Variants in ZFR2 observed in about 807,000 individuals in gnomAD.
ZFR2 encodes the protein zinc finger RNA-binding protein 2.
ZFR2 carries 104 observed loss-of-function variants against 105.7 expected under a neutral mutation model. The observed-to-expected ratio is 0.98, with a 90% CI of 0.84 to 1.16. The LOEUF (loss-of-function observed/expected upper bound fraction) is 1.16, where lower values mean the gene tolerates loss of function less well. Ranked by LOEUF, ZFR2 falls within the 50% of genes most tolerant of loss-of-function variation. The pLI is 0.00. For synonymous variants in ZFR2, 634 were observed against 597.7 expected, an observed-to-expected ratio of 1.06 and a Z score of -0.89; for missense variants, 1,425 against 1,355.5, an observed-to-expected ratio of 1.05 and a Z score of -0.80.
chr19:3,807,891 C>A (rs891617497), intron 17 of ZFR2, among the ~76,000 whole-genome samples: 2 of 144,342 alleles, frequency 1.4e-5, no homozygotes, highest in African/African-American at 5.2e-5. Context: ...GCATGTGTGC[C>A]CGTGTGCACT....
chr19:3,823,062 C>T lies in ZFR2; in HGVS notation c.1371+184G>A, dbSNP rs1005581950. ...TTCATTTCCTGCTGATACCAAAATCCGGCACCCAAAGTGTCAAGCGGGTCT... is the reference window on the plus strand; with the variant it reads ...TTCATTTCCTGCTGATACCAAAATCTGGCACCCAAAGTGTCAAGCGGGTCT... On this transcript the variant is annotated intron_variant, in intron 8 of 18. Transcript: ENST00000262961. This position sits in a 1 kb window ranked among gnomAD's most constrained non-coding sequence, Gnocchi z 5.4. Among the ~76,000 whole-genome samples the T allele has an allele frequency of 5.3e-5, 8 of 152,326 alleles. No individual in the cohort carries two copies. The highest frequency in any genetic ancestry group is 2.1e-4 in the South Asian group (1 of 4,830).
At chr19:3,831,608 T>A in intron 4 of ZFR2, 52 bp from the exon 5 acceptor site, 2 of 1,528,604 alleles carry the variant, frequency 1.3e-6, no homozygotes, top group Non-Finnish European at 1.8e-6. Context: ...TTCCACTGAG[T>A]TGAAGTGGGG....
intron 3 of ZFR2, among the ~76,000 whole-genome samples, chr19:3,833,372 G>A (rs112393740): frequency 6.6e-6 from 1 of 151,848 alleles, no homozygotes; most frequent in South Asian, 2.1e-4. Context: ...GTCAGGAGAT[G>A]GAGACCATCC....
Position 3,806,017 on chromosome 19 carries a change from G to A in ZFR2, c.2752C>T (p.Pro918Ser). 1 of 1,547,102 alleles carries A rather than the reference G, an allele frequency of 6.5e-7. No homozygotes were observed. The highest frequency in any genetic ancestry group is 8.7e-7 in the Non-Finnish European group (1 of 1,147,688). ...GARFRKRQRG[P>S]GEGEEGAGEK... ...CCTGCGCCCTCCTCTCCCTCGCCAG[G>A]TCCCCGTTGCCTCTTCCGGAAGCGG... The change falls in exon 19 of 19, where the codon CCT becomes TCT. Residue 918 changes from proline to serine, a missense_variant. Transcript: ENST00000262961.
Position 3,825,299 on chromosome 19 carries a change from G to A in ZFR2, c.1144C>T (p.Pro382Ser). 2 of 1,580,096 alleles carry A rather than the reference G, an allele frequency of 1.3e-6. No homozygotes were observed. The highest frequency in any genetic ancestry group is 1.7e-6 in the Non-Finnish European group (2 of 1,169,072). The change falls in exon 7 of 19, where the codon CCC (proline) becomes TCC (serine). Residue 382 changes from proline (P) to serine (S), a missense_variant. Coordinates refer to ENST00000262961, the MANE Select transcript of ZFR2 (RefSeq NM_015174.2). ...AEAKPTSPTGPSVCASSRPAL... is the reference protein window; with the variant it reads ...AEAKPTSPTGSSVCASSRPAL... ...GGCCTGCTCGAGGCACACACGCTGG[G>A]GCCAGTGGGGGACGTGGGCTTGGCC...
chr19:3,859,534 C>T (rs773154393), intron 1 of ZFR2, among the ~76,000 whole-genome samples: 1 of 152,228 alleles, frequency 6.6e-6, no homozygotes, highest in Non-Finnish European at 1.5e-5. Flanking sequence ...GACTTCCGTG[C>T]CCCGGGAACC....
chr19:3,821,977 C>G, intron 9 of ZFR2, 104 bp downstream of exon 9: 1 of 1,446,948 alleles, frequency 6.9e-7, no homozygotes, highest in Non-Finnish European at 9.1e-7. Context: ...CTCTTAAGTT[C>G]GTCGGATCAC....
chr19:3,825,477 G>A, intron 6 of ZFR2, 70 bp from the exon 7 acceptor site: 2 of 1,508,136 alleles, frequency 1.3e-6, no homozygotes, highest in Non-Finnish European at 1.8e-6. Flanking sequence ...CAAGAGGCAG[G>A]AAGGGCCTCC....
chr19:3,823,292 G>T lies in ZFR2; in HGVS notation c.1325C>A (p.Ala442Glu). Reference protein sequence around the residue: ...PTQGGSKEAPAGCSDAQPVGP... With the variant: ...PTQGGSKEAPEGCSDAQPVGP... Reference sequence around the variant, plus strand: ...CACCGGCTGCGCATCAGAGCAGCCCGCGGGAGCTTCCTTTGAGCCTCCTTG... The same window carrying T: ...CACCGGCTGCGCATCAGAGCAGCCCTCGGGAGCTTCCTTTGAGCCTCCTTG... The change falls in exon 8 of 19, where the codon GCG becomes GAG. Residue 442 changes from alanine to glutamate, a missense_variant. Transcript: ENST00000262961. The surrounding 1 kb of genome is among the most constrained non-coding windows in gnomAD (Gnocchi z 5.4). 6.2e-7 allele frequency: 1 copy of T among 1,613,998 alleles called. No individual in the cohort carries two copies. The highest frequency in any genetic ancestry group is 1.3e-5 in the African/African-American group (1 of 75,062).
chr19:3,820,308 G>T lies in ZFR2; in HGVS notation c.1632-18C>A. On this transcript the variant is annotated intron_variant, in intron 10 of 18. Transcript: ENST00000262961. ...CCAGCCGCCTGCAGGACCGAGACGT[G>T]ACAGAGCATGGTCAGGCCAGCAGTG... 1 of 1,536,306 alleles carries T rather than the reference G, an allele frequency of 6.5e-7. No homozygotes were observed. Among genetic ancestry groups the T allele is most frequent in the South Asian group, 1.2e-5 (1 of 83,838 alleles).
intron 17 of ZFR2, among the ~76,000 whole-genome samples, chr19:3,807,971 G>A (rs530047231): frequency 9.8e-4 from 145 of 148,136 alleles, no homozygotes; most frequent in Non-Finnish European, 1.7e-3. Context: ...GTGTGTGCCC[G>A]TGCGTGCTTG....
intron 1 of ZFR2, among the ~76,000 whole-genome samples, chr19:3,848,596 C>G (rs926507076): frequency 6.6e-6 from 1 of 151,098 alleles, no homozygotes; most frequent in African/African-American, 2.4e-5. Context: ...AGTCCCAGCT[C>G]CTCAGGAGGC....
At chr19:3,808,179 G>A (rs921725829) in intron 17 of ZFR2, among the ~76,000 whole-genome samples, 6 of 150,206 alleles carry the variant, frequency 4.0e-5, no homozygotes, top group African/African-American at 7.4e-5. Context: ...GTGCCTGTGC[G>A]TGTGCATGCA....
At chr19:3,816,332 G>C (rs909323860) in intron 13 of ZFR2, among the ~76,000 whole-genome samples, 1 of 147,452 alleles carries the variant, frequency 6.8e-6, no homozygotes, top group East Asian at 2.0e-4. Flanking sequence ...TGCAACCTCT[G>C]CCTCCGGGAT....
At position 3,825,291 on chromosome 19, in the gene ZFR2, C is replaced by T; in HGVS notation, c.1152G>A (p.Val384=). ...CCAGCGCTGGCCTGCTCGAGGCACA[C>T]ACGCTGGGGCCAGTGGGGGACGTGG... ...AKPTSPTGPS[V]CASSRPALAK... is the part of the protein sequence containing the mutation. Residue 384 remains valine, a synonymous_variant, in exon 7 of 19, where the codon GTG becomes GTA. Transcript: ENST00000262961. 1 of 1,577,154 alleles carries T rather than the reference C, an allele frequency of 6.3e-7. No individual in the cohort carries two copies. Among genetic ancestry groups the T allele is most frequent in the Non-Finnish European group, 8.6e-7 (1 of 1,168,132 alleles).
chr19:3,831,529 G>GAC lies in ZFR2; in HGVS notation c.624_625dup (p.Ser209CysfsTer219). On this transcript the variant is annotated frameshift_variant, in exon 5 of 19. Coordinates refer to ENST00000262961, the MANE Select transcript of ZFR2 (RefSeq NM_015174.2). LOFTEE classifies it high-confidence loss of function. ...GAAAGGGCTGGCAGCGGAGTACACC[G>GAC]ACGCGTCATAGTTCGGGTAGCTTGG... is the stretch of plus-strand genomic sequence containing the variant. The GAC allele has an allele frequency of 1.8e-5, 28 of 1,560,076 alleles. No individual in the cohort carries two copies. Among genetic ancestry groups the GAC allele is most frequent in the Non-Finnish European group, 2.4e-5 (28 of 1,152,652 alleles).
At position 3,823,309 on chromosome 19, in the gene ZFR2, G is replaced by T; in HGVS notation, c.1308C>A (p.Gly436=). ...LEGPGAPTQG[G]SKEAPAGCSD... is the part of the protein sequence containing the mutation. ...AGCAGCCCGCGGGAGCTTCCTTTGA[G>T]CCTCCTTGGGTAGGTGCTCCGGGAC... The change falls in exon 8 of 19, where the codon GGC becomes GGA. Residue 436 remains glycine (G), a synonymous_variant. Coordinates refer to ENST00000262961, the MANE Select transcript of ZFR2 (RefSeq NM_015174.2). This position sits in a 1 kb window ranked among gnomAD's most constrained non-coding sequence, Gnocchi z 5.4. 1 of 1,614,016 alleles carries T rather than the reference G, an allele frequency of 6.2e-7. No individual in the cohort carries two copies. The highest frequency in any genetic ancestry group is 8.5e-7 in the Non-Finnish European group (1 of 1,179,884).
At chr19:3,812,610 G>A (rs1466178201) in intron 14 of ZFR2, among the ~76,000 whole-genome samples, 6 of 152,016 alleles carry the variant, frequency 3.9e-5, no homozygotes, top group African/African-American at 7.2e-5. Flanking sequence ...CCACAACCGC[G>A]CCACTCCCCA....
chr19:3,820,241 CGGGCGGCGCGTG>C lies in ZFR2; in HGVS notation c.1669_1680del (p.His557_Pro560del). On this transcript the variant is annotated inframe_deletion, in exon 11 of 19. Coordinates refer to ENST00000262961, the MANE Select transcript of ZFR2 (RefSeq NM_015174.2). ...CCCATGAGCAGAGGCTGGGCCCAGT[CGGGCGGCGCGTG>C]GGGCGGCACGTCCTGGGGTGGCTCC... The C allele has an allele frequency of 3.2e-6, 5 of 1,549,570 alleles. No individual in the cohort carries two copies. The highest frequency in any genetic ancestry group is 4.4e-6 in the Non-Finnish European group (5 of 1,146,838).
Sources: allele counts gnomAD v4.1 joint callset (sites outside exome capture counted in the v4.1 genomes callset), GRCh38; gene constraint gnomAD v4.1.1; non-coding constraint Gnocchi (gnomAD v3.1); transcripts MANE v1.5; gene names NCBI Gene and HGNC (gene_info 2026-07-23, HGNC 2026-07-21).